Variants in ELP3 observed in about 807,000 individuals in gnomAD.
The protein encoded by ELP3 is elongator complex protein 3.
In ELP3, 56 loss-of-function variants were observed where a neutral mutation model predicts 74.9. That is an observed-to-expected ratio of 0.75 (90% confidence interval 0.60 to 0.93). The LOEUF is 0.93. Among genes scored for constraint, ELP3 ranks in the 40% least tolerant of loss-of-function variants. The pLI is 0.00. For missense variants in ELP3, 573 were observed against 686.5 expected (o/e 0.83, Z 1.85); for synonymous variants, 222 against 239.8 (o/e 0.93, Z 0.68).
Position 28,160,385 on chromosome 8 carries a change from G to T in ELP3, c.1414G>T (p.Val472Leu). The T allele has an allele frequency of 1.2e-6, 2 of 1,614,196 alleles. No homozygotes were observed. Among genetic ancestry groups the T allele is most frequent in the Non-Finnish European group, 1.7e-6 (2 of 1,180,038 alleles). The stretch of plus-strand genomic sequence containing the variant: ...CGAATTGGGTGGAGGTGTCTCCATA[G>T]TACGAGAGCTGCATGTGTATGGGAG... The part of the protein sequence containing the change: ...RFELGGGVSI[V>L]RELHVYGSVV... The change falls in exon 13 of 15, where the codon GTA becomes TTA. Residue 472 changes from valine to leucine, a missense_variant. Physicochemically the swap from Val to Leu is conservative, Grantham distance 32 (BLOSUM62 1). Coordinates refer to ENST00000256398, the MANE Select transcript of ELP3 (RefSeq NM_018091.6).
intron 10 of ELP3, among the ~76,000 whole-genome samples, chr8:28,152,499 C>T (rs1813679499): frequency 2.0e-5 from 3 of 151,996 alleles, no homozygotes; most frequent in Admixed American, 2.0e-4. Context: ...TGTGCTTTGG[C>T]GTCATGTATA....
At chr8:28,140,505 C>T (rs1460142642) in intron 10 of ELP3, among the ~76,000 whole-genome samples, 1 of 152,104 alleles carries the variant, frequency 6.6e-6, no homozygotes, top group Non-Finnish European at 1.5e-5. Context: ...TTCCTACTCA[C>T]TAAAATTCGT....
chr8:28,160,639 TG>T (rs1231759656), intron 13 of ELP3, among the ~76,000 whole-genome samples, 183 bp downstream of exon 13: 1 of 152,208 alleles, frequency 6.6e-6, no homozygotes, highest in African/African-American at 2.4e-5. Flanking sequence ...TGTATCCTTT[TG>T]GGAGGAAAGG....
chr8:28,108,447 A>ATTT, intron 5 of ELP3, among the ~76,000 whole-genome samples: 1 of 123,310 alleles, frequency 8.1e-6, no homozygotes, highest in African/African-American at 3.1e-5. Context: ...TGGAATTTAC[A>ATTT]TTTTTTTTTC....
chr8:28,106,390 A>G (rs1034329997), intron 3 of ELP3, among the ~76,000 whole-genome samples: 1 of 151,602 alleles, frequency 6.6e-6, no homozygotes, highest in African/African-American at 2.4e-5. Flanking sequence ...AATACAAAAA[A>G]TTAGCCGGGC....
At position 28,155,974 on chromosome 8, in the gene ELP3, T is replaced by TAGAG. The variant is rs755055081; in HGVS notation, c.1134_1137dup (p.His380ArgfsTer4). 6.2e-6 allele frequency: 10 copies of TAGAG among 1,613,840 alleles called. No individual in the cohort carries two copies. In the South Asian group the frequency reaches 1.1e-4, roughly 18 times the overall value. On this transcript the variant is annotated frameshift_variant, in exon 11 of 15. Transcript: ENST00000256398. LOFTEE classifies it high-confidence loss of function. ...CCAATGCCTTTAGTTAGCTCAGGAGTAGAGCATGGTAACCTGAGAGAGCTG... is the reference window on the plus strand; with the variant it reads ...CCAATGCCTTTAGTTAGCTCAGGAGTAGAGAGAGCATGGTAACCTGAGAGAGCTG...
intron 10 of ELP3, among the ~76,000 whole-genome samples, chr8:28,145,044 AAAAAT>A (rs897722522): frequency 2.4e-4 from 37 of 152,326 alleles, no homozygotes; most frequent in Middle Eastern, 6.8e-3. Flanking sequence ...CATCTCAAAA[AAAAAT>A]AAAATAAAAA....
intron 6 of ELP3, among the ~76,000 whole-genome samples, chr8:28,112,198 G>A (rs375044809): frequency 1.3e-5 from 2 of 151,926 alleles, no homozygotes; most frequent in South Asian, 2.1e-4. Flanking sequence ...AGGCTGGAGT[G>A]CAGTGGCACA....
chr8:28,170,680 G>A (rs1267575962), intron 14 of ELP3, among the ~76,000 whole-genome samples: 1 of 152,134 alleles, frequency 6.6e-6, no homozygotes, highest in Non-Finnish European at 1.5e-5. Flanking sequence ...AACACATGGA[G>A]AAATTTTATG....
At position 28,137,830 on chromosome 8, in the gene ELP3, G is replaced by C; in HGVS notation, c.1039G>C (p.Glu347Gln). 2 of 1,614,054 alleles carry C rather than the reference G, an allele frequency of 1.2e-6. No individual in the cohort carries two copies. The highest frequency in any genetic ancestry group is 2.2e-5 in the South Asian group (2 of 91,070). The stretch of plus-strand genomic sequence containing the variant: ...GAGTTACTCTCCTAGTGACCTGGTT[G>C]AATTGGTGGCTCGGATCCTAGCCCT... ...YKSYSPSDLV[E>Q]LVARILALVP... The change falls in exon 10 of 15, where the codon GAA becomes CAA. Residue 347 changes from glutamate (E) to glutamine (Q), a missense_variant. Glu to Gln is a conservative substitution (Grantham distance 29, BLOSUM62 2). Transcript: ENST00000256398.
intron 11 of ELP3, among the ~76,000 whole-genome samples, chr8:28,156,254 A>C (rs1457017180): frequency 6.6e-6 from 1 of 152,170 alleles, no homozygotes; most frequent in Non-Finnish European, 1.5e-5. Context: ...CTGCCTGCTC[A>C]GATTGCCAAC....
intron 10 of ELP3, among the ~76,000 whole-genome samples, chr8:28,151,304 A>AT (rs57274451): frequency 0.6 from 90,431 of 151,842 alleles, 28,247 homozygotes; most frequent in East Asian, 0.91. Context: ...GTTTCTTCAG[A>AT]TTTCCATCTT....
rs369285414 is a variant in ELP3, at chr8:28,142,169, G to T, written c.1100+4278G>T. Among the ~76,000 whole-genome samples the T allele has an allele frequency of 1.2e-4, 18 of 152,304 alleles. No homozygotes were observed. The East Asian group carries it at 3.3e-3, about 28-fold the overall frequency. On this transcript the variant is annotated intron_variant, in intron 10 of 14. Transcript: ENST00000256398. ...CAGAAATAGTCTCTATAGGAAAAAT[G>T]TAAAGGAGTGATGACAGGAAGAGTG...
intron 1 of ELP3, chr8:28,093,673 T>C (rs192525805): frequency 1.1e-5 from 2 of 174,444 alleles, no homozygotes; most frequent in East Asian, 1.8e-4. Context: ...ATGCAATTAT[T>C]CCCATTTTTA....
chr8:28,187,988 G>A (rs886306308), intron 14 of ELP3, among the ~76,000 whole-genome samples: 21 of 152,194 alleles, frequency 1.4e-4, no homozygotes, highest in East Asian at 5.8e-4. Flanking sequence ...TTAGGGATAC[G>A]AGGAGGAAGC....
In ELP3 at chr8:28,095,758, G is replaced by A. The variant is rs114446984; in HGVS notation, c.20-1461G>A. Among the ~76,000 whole-genome samples the A allele has an allele frequency of 6.2e-3, 942 of 152,306 alleles. 15 individuals are homozygous for A. Among genetic ancestry groups the A allele is most frequent in the African/African-American group, 0.021 (882 of 41,548 alleles). ...CTCATTTTTCACATCTATAAAATGG[G>A]ATAACAGTACCTACCCTCCGTGTTA... On this transcript the variant is annotated intron_variant, in intron 1 of 14. Transcript: ENST00000256398.
At chr8:28,112,631 C>T (rs1460398819) in intron 6 of ELP3, 1 of 154,238 alleles carries the variant, frequency 6.5e-6, no homozygotes, top group African/African-American at 2.4e-5. Context: ...TAAATGCCAC[C>T]TTTTTGTCCT....
chr8:28,148,245 T>C (rs1195471444), intron 10 of ELP3, among the ~76,000 whole-genome samples: 3 of 152,144 alleles, frequency 2.0e-5, no homozygotes, highest in Non-Finnish European at 4.4e-5. Context: ...GAGTCATCAG[T>C]CAATATGAGA....
chr8:28,121,257 T>A (rs1812354480), intron 7 of ELP3, among the ~76,000 whole-genome samples: 2 of 151,900 alleles, frequency 1.3e-5, no homozygotes, highest in Non-Finnish European at 2.9e-5. Flanking sequence ...AAAATATTTG[T>A]ATGTGTTTTG....
Sources: allele counts gnomAD v4.1 joint callset (sites outside exome capture counted in the v4.1 genomes callset), GRCh38; gene constraint gnomAD v4.1.1; transcripts MANE v1.5; gene names NCBI Gene and HGNC (gene_info 2026-07-23, HGNC 2026-07-21).